The following PRUNE1 variants were observed in gnomAD, a reference collection of about 807,000 sequenced individuals.
The protein encoded by PRUNE1 is exopolyphosphatase PRUNE1.
In PRUNE1, 25 loss-of-function variants were observed where a neutral mutation model predicts 42.5. The ratio of observed to expected loss-of-function variants is 0.59; its 90% CI spans 0.43 to 0.82. The LOEUF (loss-of-function observed/expected upper bound fraction) is 0.82. Ranked by LOEUF, PRUNE1 falls within the 40% of genes least tolerant of loss-of-function variation. PRUNE1 has a pLI of 0.00. For synonymous variants in PRUNE1, 203 were observed against 217.1 expected (o/e 0.93, Z 0.57); for missense variants, 443 against 539.3 (o/e 0.82, Z 1.77).
intron 1 of PRUNE1, among the ~76,000 whole-genome samples, chr1:151,014,423 C>G (rs1267322335): frequency 6.6e-6 from 1 of 152,066 alleles, no homozygotes; most frequent in Non-Finnish European, 1.5e-5. Context: ...TAGGAGATGG[C>G]GACGAGGGTG....
intron 1 of PRUNE1, among the ~76,000 whole-genome samples, chr1:151,013,873 G>A (rs900346734): frequency 3.3e-5 from 5 of 152,206 alleles, no homozygotes; most frequent in African/African-American, 7.2e-5. Context: ...ACAAGTCAGA[G>A]GAGTTACTAT....
chr1:151,027,247 C>A lies in PRUNE1; in HGVS notation c.694C>A (p.Gln232Lys). The A allele has an allele frequency of 6.2e-7, 1 of 1,608,938 alleles. No homozygotes were observed. Among genetic ancestry groups the A allele is most frequent in the African/African-American group, 1.3e-5 (1 of 74,912 alleles). ...KFDVSGLTTE[Q>K]MLRKDQKTIY... ...CTGCTTTCTAGGACTGACCACTGAGCAGATGCTGAGAAAAGACCAGAAGAC... is the reference window on the plus strand; with the variant it reads ...CTGCTTTCTAGGACTGACCACTGAGAAGATGCTGAGAAAAGACCAGAAGAC... The change falls in exon 6 of 8, where the codon CAG (glutamine) becomes AAG (lysine). Residue 232 changes from glutamine (Q) to lysine (K), a missense_variant. Physicochemically the swap from Gln to Lys is moderately conservative, Grantham distance 53. Coordinates refer to ENST00000271620, the MANE Select transcript of PRUNE1 (RefSeq NM_021222.3).
Position 151,027,112 on chromosome 1 carries a change from C to G in PRUNE1, c.680-121C>G, listed in dbSNP as rs376531978. ...TGATTACATTTTCAATTATCTCCCC[C>G]ATTCATTGCCCCAAAGAGAGGCTGT... On this transcript the variant is annotated intron_variant, in intron 5 of 7. Coordinates refer to ENST00000271620, the MANE Select transcript of PRUNE1 (RefSeq NM_021222.3). 2.5e-4 allele frequency: 153 copies of G among 601,592 alleles called. 1 individual carries two copies. The highest frequency in any genetic ancestry group is 1.8e-3 in the Middle Eastern group (4 of 2,204). The allele number at this position is 601,592 out of a possible 1,614,324, so 37.3% of individuals were successfully genotyped here.
chr1:151,027,439 A>G (rs1674922106), intron 6 of PRUNE1, 112 bp downstream of exon 6: 16 of 734,284 alleles, frequency 2.2e-5, no homozygotes, highest in South Asian at 2.0e-4. Context: ...TCTTGTGTCT[A>G]TCTTTGTCTC....
chr1:151,019,736 A>C (rs1304758191), intron 3 of PRUNE1, among the ~76,000 whole-genome samples: 7 of 151,950 alleles, frequency 4.6e-5, no homozygotes, highest in Non-Finnish European at 4.4e-5. Context: ...TCCTAGGCTC[A>C]TGCTATCTTC....
At position 151,027,112 on chromosome 1, in the gene PRUNE1, C is replaced by T. The variant is rs376531978; in HGVS notation, c.680-121C>T. The T allele has an allele frequency of 1.7e-5, 10 of 601,474 alleles. No individual in the cohort carries two copies. The East Asian group carries it at 2.3e-4, about 14-fold the overall frequency. The allele number at this position is 601,474 out of a possible 1,614,324, so 37.3% of individuals were successfully genotyped here. A position where few individuals can be genotyped will look rare whatever the true frequency, so the allele number is the denominator to read the frequency against. On this transcript the variant is annotated intron_variant, in intron 5 of 7. Transcript: ENST00000271620. The stretch of plus-strand genomic sequence containing the variant: ...TGATTACATTTTCAATTATCTCCCC[C>T]ATTCATTGCCCCAAAGAGAGGCTGT...
At chr1:151,016,529 T>C (rs1301134336) in intron 1 of PRUNE1, among the ~76,000 whole-genome samples, 3 of 152,068 alleles carry the variant, frequency 2.0e-5, no homozygotes, top group Non-Finnish European at 4.4e-5. Flanking sequence ...GAGATGGAGT[T>C]TCGCTCTTGT....
chr1:151,029,387 T>TTTTTTTA (rs1675090712), intron 7 of PRUNE1, among the ~76,000 whole-genome samples: 1 of 108,542 alleles, frequency 9.2e-6, no homozygotes, highest in African/African-American at 2.9e-5. Context: ...TTTTTTTTTT[T>TTTTTTTA]GAGACAGTCT....
intron 1 of PRUNE1, among the ~76,000 whole-genome samples, chr1:151,013,005 C>A (rs587710802): frequency 6.6e-6 from 1 of 152,060 alleles, no homozygotes; most frequent in Non-Finnish European, 1.5e-5. Context: ...TGAGGTGATT[C>A]GCCCACCTTG....
At chr1:151,027,777 T>C (rs111782339) in intron 6 of PRUNE1, among the ~76,000 whole-genome samples, 9,869 of 148,838 alleles carry the variant, frequency 0.066, 1,038 homozygotes, top group African/African-American at 0.23. Flanking sequence ...TGTGTGTGTG[T>C]GTGTGCGCGC....
In PRUNE1 at chr1:151,017,861, A is replaced by G. The variant is rs1272653636; in HGVS notation, c.89A>G (p.Asp30Gly). 6.2e-7 allele frequency: 1 copy of G among 1,607,108 alleles called. No homozygotes were observed. Among genetic ancestry groups the G allele is most frequent in the South Asian group, 1.1e-5 (1 of 90,950 alleles). The change falls in exon 2 of 8, where the codon GAC becomes GGC. Residue 30 changes from aspartate to glycine, a missense_variant. By Grantham distance (94) the Asp-to-Gly change is moderately conservative. Coordinates refer to ENST00000271620, the MANE Select transcript of PRUNE1 (RefSeq NM_021222.3). ...VVLGNEACDL[D>G]STVSALALAF... ...CTGGGAAATGAAGCCTGTGATTTGG[A>G]CTCCACAGTGTCTGCTCTTGCCCTG... is the stretch of plus-strand genomic sequence containing the variant.
At chr1:151,019,534 G>A (rs80350997) in intron 3 of PRUNE1, among the ~76,000 whole-genome samples, 12,833 of 139,030 alleles carry the variant, frequency 0.092, 705 homozygotes, top group African/African-American at 0.16. Flanking sequence ...CCAAGCCTGG[G>A]AGACAGAGGG....
At chr1:151,013,564 A>G (rs902004636) in intron 1 of PRUNE1, among the ~76,000 whole-genome samples, 1 of 152,158 alleles carries the variant, frequency 6.6e-6, no homozygotes, top group African/African-American at 2.4e-5. Context: ...GTGAAGCAAC[A>G]CTGATGTAAA....
intron 3 of PRUNE1, among the ~76,000 whole-genome samples, chr1:151,024,220 A>C (rs1025389285): frequency 6.7e-6 from 1 of 149,504 alleles, no homozygotes; most frequent in African/African-American, 2.5e-5. Context: ...GAGAGGAGTT[A>C]GGCAGAGGTA....
At chr1:151,017,113 A>G (rs1674151449) in intron 1 of PRUNE1, among the ~76,000 whole-genome samples, 2 of 150,450 alleles carry the variant, frequency 1.3e-5, no homozygotes, top group Admixed American at 6.6e-5. Context: ...AAAAAAAAGT[A>G]TAAGCATTCT....
intron 5 of PRUNE1, 36 bp from the exon 6 acceptor site, chr1:151,027,196 AC>A: frequency 6.7e-7 from 1 of 1,501,108 alleles, no homozygotes; most frequent in Non-Finnish European, 9.3e-7. Flanking sequence ...ACCCTGGCCT[AC>A]CCTGTTTGAC....
intron 6 of PRUNE1, among the ~76,000 whole-genome samples, chr1:151,028,378 T>C (rs1044390493): frequency 6.6e-6 from 1 of 152,144 alleles, no homozygotes; most frequent in African/African-American, 2.4e-5. Flanking sequence ...TAGCTGGGAT[T>C]ACTGGTGCGT....
At chr1:151,019,188 AAGAAAT>A (rs1674275337) in intron 3 of PRUNE1, among the ~76,000 whole-genome samples, 1 of 152,174 alleles carries the variant, frequency 6.6e-6, no homozygotes, top group African/African-American at 2.4e-5. Flanking sequence ...CTATAATAAA[AAGAAAT>A]AGAACGTGTT....
rs758742991 is a variant in PRUNE1, at chr1:151,018,560, G to T, written c.226G>T (p.Val76Phe). The stretch of plus-strand genomic sequence containing the variant: ...TGACATTGTCTTCTTTCTTCAGAAG[G>T]TTCATATTCCAGAGAGTATCTTGAT... ...RGDIVFFLQK[V>F]HIPESILIFR... Residue 76 changes from valine to phenylalanine, a missense_variant, in exon 3 of 8, where the codon GTT (valine) becomes TTT (phenylalanine). Val to Phe is a conservative substitution (Grantham distance 50, BLOSUM62 -1). Transcript: ENST00000271620. 2.5e-6 allele frequency: 4 copies of T among 1,613,824 alleles called. No individual in the cohort carries two copies. The highest frequency in any genetic ancestry group is 3.4e-6 in the Non-Finnish European group (4 of 1,179,862).
Sources: gnomAD v4.1 joint callset for allele counts (sites outside exome capture counted in the v4.1 genomes callset) on GRCh38, gnomAD v4.1.1 for gene constraint, MANE v1.5 for transcripts, NCBI Gene and HGNC (gene_info 2026-07-23, HGNC 2026-07-21) for gene names.